MCCC2: variants seen among roughly 807,000 people sequenced by gnomAD.
MCCC2 encodes the protein methylcrotonoyl-CoA carboxylase beta chain, mitochondrial.
A neutral mutation model predicts 77.2 loss-of-function variants in MCCC2; 52 were observed. That is an observed-to-expected ratio of 0.67 (90% CI 0.54 to 0.85). MCCC2 has a LOEUF of 0.85. Among genes scored for constraint, MCCC2 ranks in the 40% least tolerant of loss-of-function variants. The pLI, the probability that MCCC2 is intolerant of heterozygous loss-of-function variation, is 0.00. For missense variants in MCCC2, 682 were observed against 703.2 expected, an observed-to-expected ratio of 0.97 and a Z score of 0.34; for synonymous variants, 253 against 248.4, an observed-to-expected ratio of 1.02 and a Z score of -0.18.
At chr5:71,652,578 A>G in intron 15 of MCCC2, 91 bp from the exon 16 acceptor site, 1 of 947,254 alleles carries the variant, frequency 1.1e-6, no homozygotes, top group Middle Eastern at 2.1e-4. Flanking sequence ...ATTATTATTC[A>G]TGACATCTGT....
chr5:71,623,834 G>C (rs1262941911), intron 6 of MCCC2, among the ~76,000 whole-genome samples: 1 of 152,174 alleles, frequency 6.6e-6, no homozygotes, highest in African/African-American at 2.4e-5. Context: ...AAATGTGTCG[G>C]AAGTGCCCTT....
intron 4 of MCCC2, among the ~76,000 whole-genome samples, chr5:71,601,370 C>T (rs1745422014): frequency 6.6e-6 from 1 of 152,194 alleles, no homozygotes; most frequent in South Asian, 2.1e-4. Context: ...GAAGTATGAG[C>T]ACACACTCTG....
At chr5:71,606,249 C>G (rs1049134267) in intron 6 of MCCC2, among the ~76,000 whole-genome samples, 2 of 147,962 alleles carry the variant, frequency 1.4e-5, no homozygotes, top group Non-Finnish European at 3.0e-5. Context: ...CTTTTATTTC[C>G]TTGAGCAGTG....
intron 6 of MCCC2, among the ~76,000 whole-genome samples, chr5:71,621,717 A>G (rs1420857839): frequency 1.3e-5 from 2 of 151,872 alleles, no homozygotes; most frequent in Non-Finnish European, 2.9e-5. Context: ...CAATATTAAG[A>G]TTTTGCCTGT....
At chr5:71,621,017 G>A (rs1746332389) in intron 6 of MCCC2, among the ~76,000 whole-genome samples, 1 of 152,126 alleles carries the variant, frequency 6.6e-6, no homozygotes, top group Non-Finnish European at 1.5e-5. Context: ...TGCCTATGTT[G>A]TGCCACATCA....
chr5:71,632,096 C>G, intron 7 of MCCC2, 25 bp from the exon 8 acceptor site: 1 of 1,611,574 alleles, frequency 6.2e-7, no homozygotes, highest in Non-Finnish European at 8.5e-7. Context: ...ACCGATTTCA[C>G]TGATGATTTT....
rs143979045 is a variant in MCCC2 at position 71,653,593 on chromosome 5, T to A, written c.1574+839T>A. 7.4e-4 allele frequency among the ~76,000 whole-genome samples: 113 copies of A among 152,236 alleles called. No homozygotes were observed. The East Asian group carries it at 0.02, about 27-fold the overall frequency. ...GGCCAGGCACAGTGGCTCACACTTA[T>A]AATCCCAGCATTTTGAGAGGCCAGG... On this transcript the variant is annotated intron_variant, in intron 16 of 16. Transcript: ENST00000340941.
chr5:71,610,999 C>T (rs533592656), intron 6 of MCCC2, among the ~76,000 whole-genome samples: 2 of 152,100 alleles, frequency 1.3e-5, no homozygotes, highest in East Asian at 3.9e-4. Flanking sequence ...AAACAAAGAA[C>T]AGGTTTTTAA....
chr5:71,653,854 A>G (rs1747508033), intron 16 of MCCC2, among the ~76,000 whole-genome samples: 1 of 150,328 alleles, frequency 6.7e-6, no homozygotes, highest in Non-Finnish European at 1.5e-5. Context: ...CTATCTCAAA[A>G]AAAAAAAAAA....
chr5:71,656,212 T>C lies in MCCC2; in HGVS notation c.1575-531T>C, dbSNP rs1419475601. Among the ~76,000 whole-genome samples the C allele has an allele frequency of 3.3e-5, 5 of 152,112 alleles. No individual in the cohort carries two copies. In the East Asian group the frequency reaches 9.7e-4, roughly 29 times the overall value. ...TCCAGCCTGGGTGACAGAGCGAGAC[T>C]CCATCTCAAAAATAATAATAATAAT... On this transcript the variant is annotated intron_variant, in intron 16 of 16. Coordinates refer to ENST00000340941, the MANE Select transcript of MCCC2 (RefSeq NM_022132.5).
chr5:71,597,661 A>G (rs931076659), intron 3 of MCCC2, among the ~76,000 whole-genome samples: 3 of 152,192 alleles, frequency 2.0e-5, no homozygotes, highest in African/African-American at 4.8e-5. Context: ...AAAACTCCCA[A>G]AGTATTTTTT....
At chr5:71,624,504 A>T (rs1746470159) in intron 6 of MCCC2, among the ~76,000 whole-genome samples, 1 of 150,610 alleles carries the variant, frequency 6.6e-6, no homozygotes, top group South Asian at 2.1e-4. Context: ...CAGCCTCCCG[A>T]GTAGCTGCGA....
intron 5 of MCCC2, among the ~76,000 whole-genome samples, chr5:71,603,699 G>A (rs750587133): frequency 6.6e-5 from 10 of 152,136 alleles, no homozygotes; most frequent in Non-Finnish European, 1.3e-4. Flanking sequence ...TGTCTTCAGC[G>A]AGCTCATAAT....
chr5:71,626,977 A>G (rs1746550937), intron 7 of MCCC2, among the ~76,000 whole-genome samples: 1 of 152,064 alleles, frequency 6.6e-6, no homozygotes, highest in Admixed American at 6.5e-5. Context: ...CATCCTCCCC[A>G]ACTGAAATTC....
At chr5:71,655,936 C>T (rs951968686) in intron 16 of MCCC2, among the ~76,000 whole-genome samples, 3 of 152,076 alleles carry the variant, frequency 2.0e-5, no homozygotes, top group African/African-American at 4.8e-5. Flanking sequence ...TGAAGCTGGC[C>T]GGGTGTGGTG....
At chr5:71,619,868 G>A (rs1746300500) in intron 6 of MCCC2, among the ~76,000 whole-genome samples, 2 of 152,008 alleles carry the variant, frequency 1.3e-5, no homozygotes, top group African/African-American at 2.4e-5. Context: ...GTGGGTGCCT[G>A]TAGTCCCAGC....
intron 1 of MCCC2, among the ~76,000 whole-genome samples, chr5:71,590,840 G>A (rs1260058848): frequency 6.6e-6 from 1 of 150,890 alleles, no homozygotes; most frequent in East Asian, 1.9e-4. Flanking sequence ...AGGATACTTT[G>A]TATGATTTCA....
intron 10 of MCCC2, chr5:71,636,793 A>C (rs1746947311): frequency 2.0e-5 from 3 of 152,058 alleles, no homozygotes; most frequent in African/African-American, 7.2e-5. Flanking sequence ...TGGTTGGCTG[A>C]GAATTCACCC....
chr5:71,589,681 T>C (rs185261961), intron 1 of MCCC2, among the ~76,000 whole-genome samples: 1 of 152,356 alleles, frequency 6.6e-6, no homozygotes, highest in African/African-American at 2.4e-5. Context: ...AAAGCAACTA[T>C]AATAAGTAAT....
Sources: gnomAD v4.1 joint callset for allele counts (sites outside exome capture counted in the v4.1 genomes callset) on GRCh38, gnomAD v4.1.1 for gene constraint, MANE v1.5 for transcripts, NCBI Gene and HGNC (gene_info 2026-07-23, HGNC 2026-07-21) for gene names.